The following LOC128092253 variants were observed in gnomAD, a reference collection of about 807,000 sequenced individuals.
chr6:133,955,224 G>C, the LOC128092253 span, among the ~76,000 whole-genome samples: 6 of 149,026 alleles, frequency 4.0e-5, no homozygotes, highest in East Asian at 1.2e-3. Flanking sequence ...AGACTCACTT[G>C]ACCCAGATCT....
At chr6:133,968,706 T>G in the LOC128092253 span, 2 of 152,326 alleles carry the variant, frequency 1.3e-5, no homozygotes, top group Non-Finnish European at 2.9e-5. Context: ...TGGAGTCCGC[T>G]CTCGCCCACG....
At chr6:133,970,916 C>T in the LOC128092253 span, among the ~76,000 whole-genome samples, 2 of 152,224 alleles carry the variant, frequency 1.3e-5, no homozygotes, top group South Asian at 4.1e-4. Flanking sequence ...GCATCTGTCA[C>T]CTCATGAATT....
the LOC128092253 span, among the ~76,000 whole-genome samples, chr6:133,976,784 C>A: frequency 2.6e-5 from 4 of 151,956 alleles, no homozygotes; most frequent in African/African-American, 9.7e-5. Flanking sequence ...GTCAAGAGTT[C>A]AAGAGCAACC....
chr6:133,968,824 C>G, the LOC128092253 span: 8 of 152,224 alleles, frequency 5.3e-5, no homozygotes, highest in Non-Finnish European at 7.3e-5. Flanking sequence ...CGCCCACTGC[C>G]ATGCCTGGCT....
At chr6:133,955,630 A>G in the LOC128092253 span, among the ~76,000 whole-genome samples, 1 of 152,224 alleles carries the variant, frequency 6.6e-6, no homozygotes, top group Non-Finnish European at 1.5e-5. Context: ...AAGAGCTTCT[A>G]TTAAAATAAG....
the LOC128092253 span, among the ~76,000 whole-genome samples, chr6:133,959,544 C>T: frequency 2.9e-4 from 44 of 152,076 alleles, no homozygotes; most frequent in Non-Finnish European, 7.4e-5. Context: ...TGCAGTGGCG[C>T]GATCTCGGCT....
the LOC128092253 span, among the ~76,000 whole-genome samples, chr6:133,969,542 A>G: frequency 6.6e-6 from 1 of 152,108 alleles, no homozygotes; most frequent in Admixed American, 6.5e-5. Flanking sequence ...TTTTGCTTTC[A>G]CTTAAGCATT....
chr6:133,966,519 C>T, the LOC128092253 span, among the ~76,000 whole-genome samples: 1 of 152,182 alleles, frequency 6.6e-6, no homozygotes, highest in Non-Finnish European at 1.5e-5. Context: ...TTAACCTAGA[C>T]CTGTCCTGAG....
chr6:133,968,198 A>C, the LOC128092253 span, among the ~76,000 whole-genome samples: 1 of 152,118 alleles, frequency 6.6e-6, no homozygotes, highest in Non-Finnish European at 1.5e-5. Context: ...CATGTTAGCC[A>C]GGATGATCTC....
chr6:133,954,848 T>C, the LOC128092253 span, among the ~76,000 whole-genome samples: 9 of 152,148 alleles, frequency 5.9e-5, no homozygotes, highest in African/African-American at 1.2e-4. Flanking sequence ...CCTATTACTA[T>C]GTGCCCTTGA....
At chr6:133,955,420 A>G in the LOC128092253 span, among the ~76,000 whole-genome samples, 1 of 151,860 alleles carries the variant, frequency 6.6e-6, no homozygotes, top group Non-Finnish European at 1.5e-5. Context: ...ATGCTGTATC[A>G]TTTCCGTTTC....
At chr6:133,975,392 GAATTT>G in the LOC128092253 span, among the ~76,000 whole-genome samples, 1 of 151,910 alleles carries the variant, frequency 6.6e-6, no homozygotes, top group Non-Finnish European at 1.5e-5. Context: ...TAAAGAAATT[GAATTT>G]AAAAGTTTAA....
the LOC128092253 span, among the ~76,000 whole-genome samples, chr6:133,963,479 C>T: frequency 6.6e-5 from 10 of 152,148 alleles, no homozygotes; most frequent in Admixed American, 3.3e-4. Flanking sequence ...GACTGGAGTG[C>T]AGTGGTGTGA....
At chr6:133,955,170 A>G in the LOC128092253 span, among the ~76,000 whole-genome samples, 1 of 150,890 alleles carries the variant, frequency 6.6e-6, no homozygotes, top group Non-Finnish European at 1.5e-5. Context: ...ATCTTTGTGC[A>G]TATGAGACTT....
the LOC128092253 span, among the ~76,000 whole-genome samples, chr6:133,978,940 G>T: frequency 1.4e-4 from 21 of 152,240 alleles, 1 homozygote; most frequent in Admixed American, 6.5e-4. Flanking sequence ...ATCTTTTTGT[G>T]AGTTAAGTCA....
the LOC128092253 span, among the ~76,000 whole-genome samples, chr6:133,967,775 G>A: frequency 6.6e-6 from 1 of 152,186 alleles, no homozygotes; most frequent in Non-Finnish European, 1.5e-5. Flanking sequence ...TGTTTGAAAA[G>A]TTCACCCTCA....
At chr6:133,958,114 C>G in the LOC128092253 span, among the ~76,000 whole-genome samples, 2 of 152,200 alleles carry the variant, frequency 1.3e-5, no homozygotes, top group Non-Finnish European at 2.9e-5. Context: ...AGAGACATCT[C>G]TGTTTCTTGG....
chr6:133,970,614 C>CTG, the LOC128092253 span, among the ~76,000 whole-genome samples: 1 of 142,630 alleles, frequency 7.0e-6, no homozygotes, highest in Non-Finnish European at 1.5e-5. Context: ...TTTGTTTTTG[C>CTG]TTTTTTTTTT....
chr6:133,976,549 C>G, the LOC128092253 span, among the ~76,000 whole-genome samples: 1 of 152,060 alleles, frequency 6.6e-6, no homozygotes, highest in African/African-American at 2.4e-5. Context: ...TTAATTTAAA[C>G]AAAGTGGTGA....
Sources: gnomAD v4.1 joint callset for allele counts (sites outside exome capture counted in the v4.1 genomes callset) on GRCh38, gnomAD v4.1.1 for gene constraint, MANE v1.5 for transcripts.